The following TIMM9 variants were observed in gnomAD, a reference collection of about 807,000 sequenced individuals.
TIMM9 encodes the protein mitochondrial import inner membrane translocase subunit Tim9.
Under a neutral mutation model 13.4 loss-of-function variants are expected in TIMM9, and 10 were observed. That is an observed-to-expected ratio of 0.75 (90% CI 0.46 to 1.26). TIMM9 has a LOEUF of 1.26. Ranked by LOEUF, TIMM9 falls within the 50% of genes most tolerant of loss-of-function variation. The probability of loss-of-function intolerance (pLI) is 0.00; values close to 1 mark genes in which losing one functional copy is unlikely to be tolerated. For missense variants in TIMM9, 87 were observed against 100.8 expected, an observed-to-expected ratio of 0.86 and a Z score of 0.58; for synonymous variants, 32 against 32.1, an observed-to-expected ratio of 1.00 and a Z score of 0.01.
chr14:58,422,219 G>A lies in TIMM9; in HGVS notation c.-27+1789C>T, dbSNP rs186770182. 2.8e-3 allele frequency among the ~76,000 whole-genome samples: 425 copies of A among 151,326 alleles called. 4 individuals carry two copies. Among genetic ancestry groups the A allele is most frequent in the African/African-American group, 9.9e-3 (407 of 41,182 alleles). On this transcript the variant is annotated intron_variant, in intron 3 of 5. Coordinates refer to ENST00000395159, the MANE Select transcript of TIMM9 (RefSeq NM_012460.4). ...CAATCTCCGCCTCCCAGGTTCAAGC[G>A]ATTCTCCTGCCTAAGCCTCCCAAGC...
intron 5 of TIMM9, among the ~76,000 whole-genome samples, chr14:58,409,814 G>T (rs985549338): frequency 6.6e-6 from 1 of 151,914 alleles, no homozygotes; most frequent in Non-Finnish European, 1.5e-5. Context: ...TCCTGACCTC[G>T]TGATCCGCCT....
intron 3 of TIMM9, among the ~76,000 whole-genome samples, chr14:58,419,890 C>T (rs2036537854): frequency 6.6e-6 from 1 of 152,164 alleles, no homozygotes; most frequent in South Asian, 2.1e-4. Context: ...GCACTCCAGC[C>T]TGGGTGACAG....
intron 3 of TIMM9, among the ~76,000 whole-genome samples, chr14:58,420,893 T>C (rs2036572556): frequency 6.6e-6 from 1 of 151,544 alleles, no homozygotes; most frequent in African/African-American, 2.4e-5. Context: ...TACCAAATGC[T>C]AGTGAGGACA....
chr14:58,409,171 A>G lies in TIMM9; in HGVS notation c.136-3T>C. Reference sequence around the variant, plus strand: ...AAGCAATGTTCTGAACAGGTGGTCTAGGAATGAAAAGGGAAGATCCAAGAG... The same window carrying G: ...AAGCAATGTTCTGAACAGGTGGTCTGGGAATGAAAAGGGAAGATCCAAGAG... On this transcript the variant is annotated splice_region_variant and splice_polypyrimidine_tract_variant and intron_variant, in intron 5 of 5. Coordinates refer to ENST00000395159, the MANE Select transcript of TIMM9 (RefSeq NM_012460.4). 1.2e-6 allele frequency: 2 copies of G among 1,611,192 alleles called. No homozygotes were observed. The highest frequency in any genetic ancestry group is 1.7e-5 in the Admixed American group (1 of 59,196).
chr14:58,421,203 G>A (rs2036579351), intron 3 of TIMM9, among the ~76,000 whole-genome samples: 1 of 152,204 alleles, frequency 6.6e-6, no homozygotes, highest in Non-Finnish European at 1.5e-5. Context: ...ATTGATACTT[G>A]CAAAAGCCTG....
chr14:58,422,660 C>G (rs764091913), intron 3 of TIMM9, among the ~76,000 whole-genome samples: 2 of 151,984 alleles, frequency 1.3e-5, no homozygotes, highest in Non-Finnish European at 2.9e-5. Context: ...TAAAGTCTGT[C>G]ATACTATAAA....
At chr14:58,415,896 C>T (rs954167288) in intron 3 of TIMM9, among the ~76,000 whole-genome samples, 32 of 151,978 alleles carry the variant, frequency 2.1e-4, no homozygotes, top group African/African-American at 7.3e-4. Flanking sequence ...AAACCTACAT[C>T]GACACATAAT....
At chr14:58,423,402 C>T (rs1365852753) in intron 3 of TIMM9, among the ~76,000 whole-genome samples, 2 of 150,344 alleles carry the variant, frequency 1.3e-5, no homozygotes, top group Non-Finnish European at 3.0e-5. Flanking sequence ...CCTATAATCG[C>T]AGCTACTCGG....
chr14:58,411,429 C>T (rs2036211548), intron 4 of TIMM9, among the ~76,000 whole-genome samples: 1 of 147,038 alleles, frequency 6.8e-6, no homozygotes, highest in Middle Eastern at 3.6e-3. Context: ...GCCTGGCCGA[C>T]AAAGAGAGAC....
intron 3 of TIMM9, among the ~76,000 whole-genome samples, chr14:58,422,287 C>A (rs2036611068): frequency 6.6e-6 from 1 of 151,808 alleles, no homozygotes; most frequent in African/African-American, 2.4e-5. Context: ...AGCTAATTTT[C>A]TATTTTTAGT....
At position 58,419,732 on chromosome 14, in the gene TIMM9, C is replaced by T. The variant is rs188845213; in HGVS notation, c.-27+4276G>A. ...ACCAGCCTGGGTAACATGACAAACC[C>T]CGTCTTTACCAAAAATACACACACA... On this transcript the variant is annotated intron_variant, in intron 3 of 5. Coordinates refer to ENST00000395159, the MANE Select transcript of TIMM9 (RefSeq NM_012460.4). 1.2e-3 allele frequency among the ~76,000 whole-genome samples: 186 copies of T among 151,782 alleles called. 1 individual carries two copies. The highest frequency in any genetic ancestry group is 3.4e-3 in the African/African-American group (139 of 41,394).
rs1368611428 is a variant in TIMM9, at chr14:58,410,796, GT to G, written c.135+46del. 4 of 1,299,368 alleles carry G rather than the reference GT, an allele frequency of 3.1e-6. No homozygotes were observed. In the South Asian group the frequency reaches 5.1e-5, roughly 17 times the overall value. The allele number at this position is 1,299,368 out of a possible 1,614,324, so 80.5% of individuals were successfully genotyped here. A position where few individuals can be genotyped will look rare whatever the true frequency, so the allele number is the denominator to read the frequency against. On this transcript the variant is annotated intron_variant, in intron 5 of 5. Coordinates refer to ENST00000395159, the MANE Select transcript of TIMM9 (RefSeq NM_012460.4). ...AATGCTTAAGGGGATCCTACTTAGAGTGTTTATGAAGGCTTGTAGAATTTTA... is the reference window on the plus strand; with the variant it reads ...AATGCTTAAGGGGATCCTACTTAGAGGTTTATGAAGGCTTGTAGAATTTTA...
intron 3 of TIMM9, among the ~76,000 whole-genome samples, chr14:58,414,281 C>T (rs576738471): frequency 6.6e-6 from 1 of 151,856 alleles, no homozygotes; most frequent in South Asian, 2.1e-4. Context: ...TTATGAAGTT[C>T]GTTGAAACTA....
intron 5 of TIMM9, among the ~76,000 whole-genome samples, chr14:58,410,068 G>A (rs2036164376): frequency 6.6e-6 from 1 of 151,516 alleles, no homozygotes. Flanking sequence ...ATGAGGGCTG[G>A]TGCTTTTTGT....
chr14:58,412,490 C>A (rs1299535473), intron 3 of TIMM9, among the ~76,000 whole-genome samples: 1 of 152,144 alleles, frequency 6.6e-6, no homozygotes, highest in Non-Finnish European at 1.5e-5. Flanking sequence ...CCCTGTCTAT[C>A]AAAATCTCCA....
rs763526438 is a variant in TIMM9, at chr14:58,408,996, G to C, written c.*38C>G. 2.5e-6 allele frequency: 4 copies of C among 1,591,678 alleles called. No homozygotes were observed. In the East Asian group the frequency reaches 9.0e-5, roughly 36 times the overall value. On this transcript the variant is annotated 3_prime_UTR_variant, in exon 6 of 6. Coordinates refer to ENST00000395159, the MANE Select transcript of TIMM9 (RefSeq NM_012460.4). ...CCTCATTTCCAATAAAGCAGCTGTT[G>C]GCAATCTTTCATCAAAAGTTCATCC...
Position 58,427,491 on chromosome 14 carries a change from A to T in TIMM9, c.-403T>A. On this transcript the variant is annotated 5_prime_UTR_variant, in exon 1 of 6. Coordinates refer to ENST00000395159, the MANE Select transcript of TIMM9 (RefSeq NM_012460.4). ...AAGTCGGGAGCTCTTCAAGTCTTGG[A>T]TGAGACTGTAGAGCGGTCTTGTGCG... 1 of 1,156,194 alleles carries T rather than the reference A, an allele frequency of 8.6e-7. No individual in the cohort carries two copies. Among genetic ancestry groups the T allele is most frequent in the South Asian group, 1.4e-5 (1 of 72,080 alleles). The allele number at this position is 1,156,194 out of a possible 1,614,324, so 71.6% of individuals were successfully genotyped here.
intron 3 of TIMM9, among the ~76,000 whole-genome samples, chr14:58,414,620 C>T (rs1036023975): frequency 2.6e-5 from 4 of 151,624 alleles, no homozygotes; most frequent in Admixed American, 2.6e-4. Context: ...TGCCTGTAAT[C>T]CCAGCTACTC....
chr14:58,420,957 G>C (rs2036574080), intron 3 of TIMM9, among the ~76,000 whole-genome samples: 2 of 152,266 alleles, frequency 1.3e-5, no homozygotes, highest in East Asian at 3.9e-4. Flanking sequence ...GAGTTTGGCA[G>C]TTTCTAAAGA....
Sources: gnomAD v4.1 joint callset for allele counts (sites outside exome capture counted in the v4.1 genomes callset) on GRCh38, gnomAD v4.1.1 for gene constraint, MANE v1.5 for transcripts, NCBI Gene and HGNC (gene_info 2026-07-23, HGNC 2026-07-21) for gene names.